The following NCKAP1 variants were observed in gnomAD, a reference collection of about 807,000 sequenced individuals.
NCKAP1 encodes NCK associated protein 1.
A neutral mutation model predicts 151.2 loss-of-function variants in NCKAP1; 21 were observed. That is an observed-to-expected ratio of 0.14 (90% CI 0.10 to 0.20). The LOEUF (loss-of-function observed/expected upper bound fraction) is 0.20, where lower values mean the gene tolerates loss of function less well. Ranked by LOEUF, NCKAP1 falls within the 10% of genes least tolerant of loss-of-function variation. The pLI is 1.00. For synonymous variants in NCKAP1, 484 were observed against 451.8 expected, an observed-to-expected ratio of 1.07 and a Z score of -0.90; for missense variants, 933 against 1,352.1, an observed-to-expected ratio of 0.69 and a Z score of 4.86.
chr2:182,971,389 G>A (rs1697686864), intron 15 of NCKAP1, among the ~76,000 whole-genome samples: 1 of 102,010 alleles, frequency 9.8e-6, no homozygotes, highest in Admixed American at 1.3e-4. Context: ...GCGAGACTCC[G>A]TCTCAAAAAA....
chr2:183,006,235 TCTCTAGCCTAATACCC>T (rs1472782191), intron 2 of NCKAP1, among the ~76,000 whole-genome samples: 3 of 152,136 alleles, frequency 2.0e-5, no homozygotes, highest in African/African-American at 2.4e-5. Context: ...TGACTTAACA[TCTCTAGCCTAATACCC>T]TCCTCATCGA....
At chr2:182,958,961 C>CA in intron 18 of NCKAP1, among the ~76,000 whole-genome samples, 1 of 152,224 alleles carries the variant, frequency 6.6e-6, no homozygotes, top group East Asian at 1.9e-4. Context: ...TACATGCTGA[C>CA]ATAATAACAT....
In NCKAP1 at chr2:182,957,679, T is replaced by A. The variant is rs762789661; in HGVS notation, c.1882-83A>T. The A allele has an allele frequency of 5.8e-5, 82 of 1,403,554 alleles. No individual in the cohort carries two copies. In the East Asian group the frequency reaches 1.8e-3, roughly 31 times the overall value. 86.9% of individuals were successfully genotyped at this position (1,403,554 alleles called of 1,614,324 possible). A position where few individuals can be genotyped will look rare whatever the true frequency, so the allele number is the denominator to read the frequency against. On this transcript the variant is annotated intron_variant, in intron 18 of 30. Coordinates refer to ENST00000361354, the MANE Select transcript of NCKAP1 (RefSeq NM_013436.5). The stretch of plus-strand genomic sequence containing the variant: ...ACTATTCAAGCAAACAGTAGCTGAA[T>A]CCAGGCTGTGTTGCAAATATCACAA...
rs1447446969 is a variant in NCKAP1 at position 182,925,071 on chromosome 2, A to AC, written c.*630_*631insG. ...ATGCCAACAGGGCACCATGGAAGTT[A>AC]GTCTAAAAATTATCGCTAGGCTTTA... On this transcript the variant is annotated 3_prime_UTR_variant, in exon 31 of 31. Transcript: ENST00000361354. 6.6e-6 allele frequency: 1 copy of AC among 152,162 alleles called. No homozygotes were observed. The highest frequency in any genetic ancestry group is 1.5e-5 in the Non-Finnish European group (1 of 67,978). The allele number at this position is 152,162 out of a possible 1,614,324, so 9.4% of individuals were successfully genotyped here.
rs544658562 is a variant in NCKAP1 at position 182,961,697 on chromosome 2, T to C, written c.1881+462A>G. 6.7e-3 allele frequency among the ~76,000 whole-genome samples: 1,021 copies of C among 152,170 alleles called. 13 individuals carry two copies. Among genetic ancestry groups the C allele is most frequent in the African/African-American group, 0.024 (978 of 41,500 alleles). On this transcript the variant is annotated intron_variant, in intron 18 of 30. Coordinates refer to ENST00000361354, the MANE Select transcript of NCKAP1 (RefSeq NM_013436.5). ...ATACCTATGTAACTAACCTGCACGT[T>C]GTGCACATGTACCCTAAAACTTAAA...
At position 182,923,454 on chromosome 2, in the gene NCKAP1, G is replaced by C. The variant is rs1482735646; in HGVS notation, c.*2248C>G. On this transcript the variant is annotated 3_prime_UTR_variant, in exon 31 of 31. Coordinates refer to ENST00000361354, the MANE Select transcript of NCKAP1 (RefSeq NM_013436.5). ...TACCTGGGTAATTTTTGTATTTTTA[G>C]TAGTGTCAGGGTTTTGCCATGTTGG... 6.6e-6 allele frequency: 1 copy of C among 152,094 alleles called. No homozygotes were observed. The highest frequency in any genetic ancestry group is 1.9e-4 in the East Asian group (1 of 5,178). The allele number at this position is 152,094 out of a possible 1,614,324, so 9.4% of individuals were successfully genotyped here.
intron 26 of NCKAP1, among the ~76,000 whole-genome samples, chr2:182,931,919 T>C (rs1021265013): frequency 6.6e-6 from 1 of 151,884 alleles, no homozygotes; most frequent in African/African-American, 2.4e-5. Context: ...ATATAAACAA[T>C]GAGATGCCAC....
intron 2 of NCKAP1, among the ~76,000 whole-genome samples, chr2:183,013,867 AC>A (rs1698634228): frequency 6.6e-6 from 1 of 152,094 alleles, no homozygotes; most frequent in African/African-American, 2.4e-5. Context: ...CCAGGCATGC[AC>A]CCACCTGAGC....
intron 18 of NCKAP1, among the ~76,000 whole-genome samples, chr2:182,960,523 A>G (rs943503101): frequency 1.3e-5 from 2 of 152,216 alleles, no homozygotes; most frequent in Non-Finnish European, 2.9e-5. Flanking sequence ...AAAACTGGCT[A>G]GCCATATGTA....
chr2:182,920,588 A>G lies in NCKAP1; in HGVS notation c.*5114T>C, dbSNP rs1425475849. 2.6e-5 allele frequency: 4 copies of G among 152,266 alleles called. No individual in the cohort carries two copies. Among genetic ancestry groups the G allele is most frequent in the Admixed American group, 2.6e-4 (4 of 15,276 alleles). The allele number at this position is 152,266 out of a possible 1,614,324, so 9.4% of individuals were successfully genotyped here. A position where few individuals can be genotyped will look rare whatever the true frequency, so the allele number is the denominator to read the frequency against. On this transcript the variant is annotated 3_prime_UTR_variant, in exon 31 of 31. Transcript: ENST00000361354. ...CTGGGAAGCCAATCAGTGTGCTGGCATATTTGGTGTTTGTGGAGGGTCTGC... is the reference window on the plus strand; with the variant it reads ...CTGGGAAGCCAATCAGTGTGCTGGCGTATTTGGTGTTTGTGGAGGGTCTGC...
rs1696543848 is a variant in NCKAP1, at chr2:182,921,070, TAGTC to T, written c.*4628_*4631del. 1 of 152,174 alleles carries T rather than the reference TAGTC, an allele frequency of 6.6e-6. No individual in the cohort carries two copies. The highest frequency in any genetic ancestry group is 2.4e-5 in the African/African-American group (1 of 41,456). The allele number at this position is 152,174 out of a possible 1,614,324, so 9.4% of individuals were successfully genotyped here. ...ATCCCAGAGTTGAAGAAAACACTTT[TAGTC>T]AGTTACTAATGGAGAAAAAATAAAT... On this transcript the variant is annotated 3_prime_UTR_variant, in exon 31 of 31. Transcript: ENST00000361354.
chr2:182,978,117 A>C (rs530428165), intron 14 of NCKAP1, among the ~76,000 whole-genome samples: 3 of 152,340 alleles, frequency 2.0e-5, no homozygotes, highest in African/African-American at 7.2e-5. Flanking sequence ...TAAACCAAAT[A>C]TCACCAGAAA....
chr2:182,925,901 CA>C, intron 30 of NCKAP1, 83 bp from the exon 31 acceptor site: 1 of 617,748 alleles, frequency 1.6e-6, no homozygotes, highest in Admixed American at 3.6e-5. Context: ...ATAATGGGAA[CA>C]TTTATTGACA....
rs561497412 is a variant in NCKAP1, at chr2:182,963,507, G to T, written c.1761+1169C>A. ...TATCTGACCTCTGCCTTTGGCTACGGTGCCAAGAATAAAGTTTAGGAGAAC... is the reference window on the plus strand; with the variant it reads ...TATCTGACCTCTGCCTTTGGCTACGTTGCCAAGAATAAAGTTTAGGAGAAC... On this transcript the variant is annotated intron_variant, in intron 17 of 30. Coordinates refer to ENST00000361354, the MANE Select transcript of NCKAP1 (RefSeq NM_013436.5). Among the ~76,000 whole-genome samples, 11 of 152,200 alleles carry T rather than the reference G, an allele frequency of 7.2e-5. No individual in the cohort carries two copies. The East Asian group carries it at 2.1e-3, about 29-fold the overall frequency.
chr2:182,941,712 C>T (rs575787543), intron 24 of NCKAP1, among the ~76,000 whole-genome samples: 11 of 152,190 alleles, frequency 7.2e-5, no homozygotes, highest in East Asian at 3.9e-4. Context: ...GTAACTTATA[C>T]GTATAAAGTT....
intron 2 of NCKAP1, among the ~76,000 whole-genome samples, chr2:183,015,756 C>A: frequency 6.7e-6 from 1 of 148,260 alleles, no homozygotes. Context: ...TTTTTTCAAC[C>A]AACATATAAT....
chr2:182,915,423 G>C lies in NCKAP1; in HGVS notation c.*10279C>G, dbSNP rs1476565999. The stretch of plus-strand genomic sequence containing the variant: ...CTTGGACCTCTGCAAGGATGTGACA[G>C]GAATAGCACAACTCACTAGAGCAGG... On this transcript the variant is annotated 3_prime_UTR_variant, in exon 31 of 31. Coordinates refer to ENST00000361354, the MANE Select transcript of NCKAP1 (RefSeq NM_013436.5). 6.6e-6 allele frequency: 1 copy of C among 152,202 alleles called. No homozygotes were observed. Among genetic ancestry groups the C allele is most frequent in the Non-Finnish European group, 1.5e-5 (1 of 68,030 alleles). The allele number at this position is 152,202 out of a possible 1,614,324, so 9.4% of individuals were successfully genotyped here.
intron 2 of NCKAP1, among the ~76,000 whole-genome samples, chr2:183,012,626 T>TC (rs1698609887): frequency 6.6e-6 from 1 of 151,324 alleles, no homozygotes; most frequent in Non-Finnish European, 1.5e-5. Flanking sequence ...TACGCCTTTT[T>TC]TTTTTTTTTT....
intron 2 of NCKAP1, among the ~76,000 whole-genome samples, chr2:183,015,766 T>A (rs1698671831): frequency 6.9e-6 from 1 of 145,700 alleles, no homozygotes; most frequent in South Asian, 2.1e-4. Flanking sequence ...CAACATATAA[T>A]AAATATAGTA....
Sources: gnomAD v4.1 joint callset for allele counts (sites outside exome capture counted in the v4.1 genomes callset) on GRCh38, gnomAD v4.1.1 for gene constraint, MANE v1.5 for transcripts, NCBI Gene and HGNC (gene_info 2026-07-23, HGNC 2026-07-21) for gene names.